Variants in PDE5A observed in about 807,000 individuals in gnomAD.
PDE5A encodes the protein phosphodiesterase 5A, also known as cGMP-specific 3',5'-cyclic phosphodiesterase.
Under a neutral mutation model 110.2 loss-of-function variants are expected in PDE5A, and 67 were observed. That is an observed-to-expected ratio of 0.61 (90% confidence interval 0.50 to 0.75). PDE5A has a LOEUF of 0.75. Among genes scored for constraint, PDE5A ranks in the 30% least tolerant of loss-of-function variants. PDE5A has a pLI of 0.00. For synonymous variants in PDE5A, 328 were observed against 351.2 expected, an observed-to-expected ratio of 0.93 and a Z score of 0.74; for missense variants, 862 against 1,045.1, an observed-to-expected ratio of 0.82 and a Z score of 2.42.
rs200720040 is a variant in PDE5A, at chr4:119,628,614, G to A, written c.58C>T (p.Gln20Ter). The change falls in exon 1 of 21, where the codon CAG becomes TAG. Residue 20 changes from glutamine to a stop codon, truncating the protein, a stop_gained. Transcript: ENST00000354960. LOFTEE classifies it high-confidence loss of function. ...QQRQQQQPQQ[Q>*]KQQQRDQDSV... ...TCCTGATCCCTCTGCTGCTGCTTCT[G>A]CTGCTGGGGCTGCTGCTGCTGTCGC... 1 of 1,613,912 alleles carries A rather than the reference G, an allele frequency of 6.2e-7. No homozygotes were observed. The highest frequency in any genetic ancestry group is 1.1e-5 in the South Asian group (1 of 91,040).
Position 119,542,405 on chromosome 4 carries a change from G to A in PDE5A, c.1572+54C>T, listed in dbSNP as rs976579197. 3.9e-6 allele frequency: 6 copies of A among 1,530,068 alleles called. No individual in the cohort carries two copies. In the African/African-American group the frequency reaches 4.1e-5, roughly 11 times the overall value. 94.8% of individuals were successfully genotyped at this position (1,530,068 alleles called of 1,614,324 possible). ...CACCATGAGTGATTATGAGGGAAAG[G>A]TAAAAGATGAGGGTTTGGCTGTACA... On this transcript the variant is annotated intron_variant, in intron 10 of 20. Transcript: ENST00000354960.
rs1725962093 is a variant in PDE5A, at chr4:119,517,624, AGAT to A, written c.2000+1418_2000+1420del. Among the ~76,000 whole-genome samples, 5 of 149,804 alleles carry A rather than the reference AGAT, an allele frequency of 3.3e-5. 1 individual carries two copies. The South Asian group carries it at 1.1e-3, about 32-fold the overall frequency. ...TTTCTTTCTTTTTTTTTTTTGGAGA[AGAT>A]GACGTTTCTCCAGATGTTTTTGGGG... On this transcript the variant is annotated intron_variant, in intron 14 of 20. Transcript: ENST00000354960.
chr4:119,532,544 C>A (rs1726581346), intron 11 of PDE5A, among the ~76,000 whole-genome samples: 1 of 151,890 alleles, frequency 6.6e-6, no homozygotes, highest in Non-Finnish European at 1.5e-5. Context: ...ATACTTGTGT[C>A]CCTTTTACAC....
chr4:119,607,011 C>A lies in PDE5A; in HGVS notation c.439G>T (p.Asp147Tyr), dbSNP rs759447201. Residue 147 changes from aspartate (D) to tyrosine (Y), a missense_variant, in exon 2 of 21, where the codon GAC (aspartate) becomes TAC (tyrosine). Asp to Tyr is a radical substitution (Grantham distance 160). Coordinates refer to ENST00000354960, the MANE Select transcript of PDE5A (RefSeq NM_001083.4). ...AATTCCAAGAGTCTTGAGCACTGGT[C>A]CCCTTCATCATGATCAAACCTTGGA... ...TPPRFDHDEG[D>Y]QCSRLLELVK... The A allele has an allele frequency of 3.1e-6, 5 of 1,614,058 alleles. No homozygotes were observed. In the South Asian group the frequency reaches 4.4e-5, roughly 14 times the overall value.
At position 119,607,110 on chromosome 4, in the gene PDE5A, C is replaced by G. The variant is rs201098972; in HGVS notation, c.340G>C (p.Val114Leu). ...ACAGTTCCCTCAGAATCCTTGACAA[C>G]AATGGGTCTAAGAGGCCGGTCAAAT... The part of the protein sequence containing the change: ...SEFDRPLRPI[V>L]VKDSEGTVSF... The change falls in exon 2 of 21, where the codon GTT becomes CTT. Residue 114 changes from valine (V) to leucine (L), a missense_variant. Physicochemically the swap from Val to Leu is conservative, Grantham distance 32. Coordinates refer to ENST00000354960, the MANE Select transcript of PDE5A (RefSeq NM_001083.4). The G allele has an allele frequency of 6.2e-7, 1 of 1,614,200 alleles. No homozygotes were observed. Among genetic ancestry groups the G allele is most frequent in the Admixed American group, 1.7e-5 (1 of 60,022 alleles).
intron 1 of PDE5A, among the ~76,000 whole-genome samples, chr4:119,625,011 C>CTT (rs536749949): frequency 2.5e-3 from 352 of 139,274 alleles, no homozygotes; most frequent in African/African-American, 8.5e-3. Flanking sequence ...CAAGTTATAG[C>CTT]TTTTTTTTTT....
At chr4:119,607,740 C>G (rs1312435924) in intron 1 of PDE5A, among the ~76,000 whole-genome samples, 1 of 150,532 alleles carries the variant, frequency 6.6e-6, no homozygotes, top group Non-Finnish European at 1.5e-5. Context: ...GTGAGACTCT[C>G]TCAAAAAAAA....
At chr4:119,615,466 A>G (rs1729904210) in intron 1 of PDE5A, among the ~76,000 whole-genome samples, 1 of 152,072 alleles carries the variant, frequency 6.6e-6, no homozygotes. Context: ...ATGAGAGTAA[A>G]AAGGTTGTTT....
Position 119,565,344 on chromosome 4 carries a change from G to A in PDE5A, c.970C>T (p.Leu324=). 1 of 1,611,316 alleles carries A rather than the reference G, an allele frequency of 6.2e-7. No individual in the cohort carries two copies. Among genetic ancestry groups the A allele is most frequent in the East Asian group, 2.2e-5 (1 of 44,742 alleles). The part of the protein sequence containing the change: ...LHNAQLYETS[L]LENKRNQVLL... ...ACCTGATTTCTCTTGTTCTCCAGCA[G>A]TGAAGTCTCATAGAGCTGAGCATTA... Residue 324 remains leucine, a synonymous_variant, in exon 5 of 21, where the codon CTG becomes TTG. Coordinates refer to ENST00000354960, the MANE Select transcript of PDE5A (RefSeq NM_001083.4).
intron 3 of PDE5A, among the ~76,000 whole-genome samples, chr4:119,587,902 G>A (rs1285656940): frequency 6.6e-6 from 1 of 152,210 alleles, no homozygotes; most frequent in Admixed American, 6.5e-5. Context: ...CTGTGAGTGT[G>A]AGAGATCATA....
intron 3 of PDE5A, among the ~76,000 whole-genome samples, chr4:119,586,554 T>C (rs1728773506): frequency 1.3e-5 from 2 of 152,144 alleles, no homozygotes; most frequent in Admixed American, 1.3e-4. Context: ...CCTTAACTCT[T>C]CAAGAATACA....
chr4:119,605,541 G>A (rs973858543), intron 2 of PDE5A, among the ~76,000 whole-genome samples: 1 of 152,048 alleles, frequency 6.6e-6, no homozygotes, highest in African/African-American at 2.4e-5. Context: ...CAGCTACTCG[G>A]GAGGCTGAGG....
intron 3 of PDE5A, among the ~76,000 whole-genome samples, chr4:119,590,843 G>T (rs1008734868): frequency 6.6e-6 from 1 of 152,154 alleles, no homozygotes; most frequent in Admixed American, 6.5e-5. Flanking sequence ...CATTAAAACA[G>T]CTTTCCAGAG....
Position 119,573,483 on chromosome 4 carries a change from T to G in PDE5A, c.832-6339A>C, listed in dbSNP as rs1412598612. On this transcript the variant is annotated intron_variant, in intron 3 of 20. Transcript: ENST00000354960. ...TATTGGCTAAGCTGGTATCCTCTTC[T>G]GTATTGCCTATGTGTACATTAGCCA... Among the ~76,000 whole-genome samples, 6 of 152,364 alleles carry G rather than the reference T, an allele frequency of 3.9e-5. No homozygotes were observed. The East Asian group carries it at 9.6e-4, about 24-fold the overall frequency.
At chr4:119,520,687 G>C (rs1726096165) in intron 13 of PDE5A, among the ~76,000 whole-genome samples, 1 of 151,952 alleles carries the variant, frequency 6.6e-6, no homozygotes. Context: ...GACTATTTAC[G>C]TGCAACATGA....
rs1425697284 is a variant in PDE5A, at chr4:119,507,697, T to C, written c.2096A>G (p.Gln699Arg). Residue 699 changes from glutamine (Q) to arginine (R), a missense_variant, in exon 16 of 21, where the codon CAG becomes CGG. Gln to Arg is a conservative substitution (Grantham distance 43). Coordinates refer to ENST00000354960, the MANE Select transcript of PDE5A (RefSeq NM_001083.4). ...CLMILNSPGN[Q>R]ILSGLSIEEY... ...TTCAATGGAGAGGCCACTGAGAATC[T>C]GATTGCCCTTTATAAAAAAAGAAAA... is the stretch of plus-strand genomic sequence containing the variant. The C allele has an allele frequency of 2.5e-6, 4 of 1,576,642 alleles. No homozygotes were observed. The highest frequency in any genetic ancestry group is 2.0e-5 in the Admixed American group (1 of 49,914).
chr4:119,566,795 T>A (rs555043891), intron 4 of PDE5A, among the ~76,000 whole-genome samples: 1 of 152,174 alleles, frequency 6.6e-6, no homozygotes, highest in African/African-American at 2.4e-5. Flanking sequence ...TAAAATACCA[T>A]AAGTCACCCT....
chr4:119,607,742 CAAA>C (rs775932280), intron 1 of PDE5A, among the ~76,000 whole-genome samples: 15 of 143,798 alleles, frequency 1.0e-4, no homozygotes, highest in African/African-American at 3.8e-4. Flanking sequence ...GAGACTCTCT[CAAA>C]AAAAAAAGAC....
chr4:119,520,817 G>A, intron 13 of PDE5A, 118 bp downstream of exon 13: 1 of 433,240 alleles, frequency 2.3e-6, no homozygotes, highest in Non-Finnish European at 3.7e-6. Flanking sequence ...TTATGTAAGT[G>A]GCAGCAAATA....
Sources: gnomAD v4.1 joint callset for allele counts (sites outside exome capture counted in the v4.1 genomes callset) on GRCh38, gnomAD v4.1.1 for gene constraint, MANE v1.5 for transcripts, NCBI Gene and HGNC (gene_info 2026-07-23, HGNC 2026-07-21) for gene names.